MAPK14: variants seen among roughly 807,000 people sequenced by gnomAD.
MAPK14 encodes the protein CSAID-binding protein.
In MAPK14, 16 loss-of-function variants were observed where a neutral mutation model predicts 49.6. The observed-to-expected ratio is 0.32, with a 90% CI of 0.22 to 0.49. MAPK14 has a LOEUF of 0.49. Ranked by LOEUF, MAPK14 falls within the 20% of genes least tolerant of loss-of-function variation. MAPK14 has a pLI of 0.99. For synonymous variants in MAPK14, 142 were observed against 158.0 expected, an observed-to-expected ratio of 0.90 and a Z score of 0.76; for missense variants, 200 against 441.2, an observed-to-expected ratio of 0.45 and a Z score of 4.90.
At chr6:36,090,249 C>G (rs1765165412) in intron 8 of MAPK14, among the ~76,000 whole-genome samples, 1 of 152,162 alleles carries the variant, frequency 6.6e-6, no homozygotes, top group Non-Finnish European at 1.5e-5. Context: ...AGTTAAAACA[C>G]TGGCAATAGA....
intron 1 of MAPK14, among the ~76,000 whole-genome samples, chr6:36,039,270 CAT>C (rs1293013721): frequency 5.3e-5 from 8 of 152,302 alleles, no homozygotes; most frequent in African/African-American, 1.7e-4. Flanking sequence ...TTCCTGCAAA[CAT>C]AGATTCCCAT....
chr6:36,081,039 G>T (rs1425127269), intron 8 of MAPK14, among the ~76,000 whole-genome samples: 1 of 151,862 alleles, frequency 6.6e-6, no homozygotes, highest in African/African-American at 2.4e-5. Context: ...TGTTTTTGTT[G>T]TTCAGTGGTG....
chr6:36,054,379 A>G (rs1269152847), intron 2 of MAPK14, among the ~76,000 whole-genome samples: 1 of 152,220 alleles, frequency 6.6e-6, no homozygotes, highest in East Asian at 1.9e-4. Context: ...TCAGTGCTAC[A>G]CTGATTGTTT....
At chr6:36,057,251 A>G (rs756544001) in intron 2 of MAPK14, among the ~76,000 whole-genome samples, 21 of 152,370 alleles carry the variant, frequency 1.4e-4, no homozygotes, top group Non-Finnish European at 2.5e-4. Flanking sequence ...GATATGCTGT[A>G]TACAAATATT....
intron 3 of MAPK14, among the ~76,000 whole-genome samples, chr6:36,062,615 C>G (rs1763866145): frequency 6.7e-6 from 1 of 149,968 alleles, no homozygotes; most frequent in African/African-American, 2.4e-5. Context: ...AGCAAAATCT[C>G]TATAATTACT....
intron 1 of MAPK14, among the ~76,000 whole-genome samples, chr6:36,044,466 A>G (rs574635172): frequency 3.0e-4 from 45 of 152,152 alleles, no homozygotes; most frequent in African/African-American, 9.9e-4. Context: ...CCCTTTCTCT[A>G]CTCAGCTGAT....
At chr6:36,040,933 A>G (rs753430682) in intron 1 of MAPK14, among the ~76,000 whole-genome samples, 3 of 152,222 alleles carry the variant, frequency 2.0e-5, no homozygotes, top group Admixed American at 6.5e-5. Context: ...AATTTTCTGT[A>G]TGTTTTTGAA....
At chr6:36,040,557 A>G (rs896502197) in intron 1 of MAPK14, among the ~76,000 whole-genome samples, 1 of 152,190 alleles carries the variant, frequency 6.6e-6, no homozygotes, top group African/African-American at 2.4e-5. Flanking sequence ...CTATAACCCA[A>G]TAAGCTTAAT....
At chr6:36,090,796 C>T (rs1263561870) in intron 8 of MAPK14, among the ~76,000 whole-genome samples, 1 of 152,146 alleles carries the variant, frequency 6.6e-6, no homozygotes, top group Non-Finnish European at 1.5e-5. Flanking sequence ...AAGCAAGTGT[C>T]CAATAAATGC....
chr6:36,069,633 G>T (rs1357935603), intron 3 of MAPK14, among the ~76,000 whole-genome samples: 2 of 152,102 alleles, frequency 1.3e-5, no homozygotes, highest in Non-Finnish European at 2.9e-5. Flanking sequence ...TGATAAAATG[G>T]ATGTGGTCTC....
rs201675478 is a variant in MAPK14 at position 36,107,527 on chromosome 6, A to G, written c.914A>G (p.His305Arg). Reference protein sequence around the residue: ...KRITAAQALAHAYFAQYHDPD... With the variant: ...KRITAAQALARAYFAQYHDPD... ...ATTACAGCGGCCCAAGCCCTTGCAC[A>G]TGCCTACTTTGCTCAGTACCACGAT... Residue 305 changes from histidine to arginine, a missense_variant, in exon 11 of 12, where the codon CAT becomes CGT. Transcript: ENST00000229794. This position sits in a 1 kb window ranked among gnomAD's most constrained non-coding sequence, Gnocchi z 4.3. 1 of 1,606,564 alleles carries G rather than the reference A, an allele frequency of 6.2e-7. No homozygotes were observed. The highest frequency in any genetic ancestry group is 8.5e-7 in the Non-Finnish European group (1 of 1,176,482).
intron 1 of MAPK14, among the ~76,000 whole-genome samples, chr6:36,047,894 C>T (rs1479695496): frequency 2.0e-5 from 3 of 152,076 alleles, no homozygotes; most frequent in Non-Finnish European, 4.4e-5. Context: ...TGCCACCACA[C>T]CCAGCTAATT....
chr6:36,079,820 T>A (rs1257034770), intron 8 of MAPK14, among the ~76,000 whole-genome samples: 1 of 152,108 alleles, frequency 6.6e-6, no homozygotes, highest in Non-Finnish European at 1.5e-5. Flanking sequence ...ATTAAGCAAC[T>A]GAAATGCAGC....
At chr6:36,113,167 A>G (rs1766004401), downstream of MAPK14, among the ~76,000 whole-genome samples, 1 of 152,036 alleles carries the variant, frequency 6.6e-6, no homozygotes, top group Non-Finnish European at 1.5e-5. Context: ...CCTGAGCAAC[A>G]TAGCTGGGGA....
At chr6:36,061,285 T>C (rs1344844763) in intron 3 of MAPK14, among the ~76,000 whole-genome samples, 1 of 152,194 alleles carries the variant, frequency 6.6e-6, no homozygotes, top group African/African-American at 2.4e-5. Context: ...TTTGGCCTAA[T>C]TGGGCATTCT....
intron 8 of MAPK14, among the ~76,000 whole-genome samples, chr6:36,080,295 A>G (rs1044255790): frequency 6.6e-6 from 1 of 152,154 alleles, no homozygotes; most frequent in Non-Finnish European, 1.5e-5. Flanking sequence ...ATGATGTACA[A>G]TCACTACTAC....
chr6:36,108,583 C>T lies in MAPK14; in HGVS notation c.*136C>T, dbSNP rs199705875. The T allele has an allele frequency of 6.7e-5, 41 of 607,516 alleles. No individual in the cohort carries two copies. Among genetic ancestry groups the T allele is most frequent in the East Asian group, 2.8e-4 (9 of 32,054 alleles). 37.6% of individuals were successfully genotyped at this position (607,516 alleles called of 1,614,324 possible). ...GTGGAAGGGGGTGTGCGTGCGTGTG[C>T]GTGCGTGTTAGTGTGTGTGCATGTG... On this transcript the variant is annotated 3_prime_UTR_variant, in exon 12 of 12. Transcript: ENST00000229794.
chr6:36,081,788 G>A (rs1360565691), intron 8 of MAPK14, among the ~76,000 whole-genome samples: 2 of 152,120 alleles, frequency 1.3e-5, no homozygotes, highest in Non-Finnish European at 1.5e-5. Flanking sequence ...AAAGGCTTTA[G>A]AATTTTGATA....
At chr6:36,101,452 TAATA>T (rs905586152) in intron 9 of MAPK14, among the ~76,000 whole-genome samples, 5 of 151,902 alleles carry the variant, frequency 3.3e-5, no homozygotes, top group African/African-American at 9.7e-5. Context: ...AAAATTTTTT[TAATA>T]AATAAAGAAG....
Sources: allele counts gnomAD v4.1 joint callset (sites outside exome capture counted in the v4.1 genomes callset), GRCh38; gene constraint gnomAD v4.1.1; non-coding constraint Gnocchi (gnomAD v3.1); transcripts MANE v1.5; gene names NCBI Gene and HGNC (gene_info 2026-07-23, HGNC 2026-07-21).